Variants in DLGAP1 observed in about 807,000 individuals in gnomAD.
The protein encoded by DLGAP1 is disks large-associated protein 1.
DLGAP1 carries 11 observed loss-of-function variants against 90.8 expected under a neutral mutation model. The observed-to-expected ratio is 0.12, with a 90% CI of 0.08 to 0.20. DLGAP1 has a LOEUF of 0.20. Ranked by LOEUF, DLGAP1 falls within the 10% of genes least tolerant of loss-of-function variation. The pLI, the probability that DLGAP1 is intolerant of heterozygous loss-of-function variation, is 1.00. For missense variants in DLGAP1, 1,050 were observed against 1,333.8 expected (o/e 0.79, Z 3.31); for synonymous variants, 558 against 540.7 (o/e 1.03, Z -0.44).
intron 3 of DLGAP1, among the ~76,000 whole-genome samples, chr18:3,946,401 T>A (rs967564188): frequency 3.5e-4 from 54 of 152,314 alleles, no homozygotes; most frequent in African/African-American, 1.0e-3. Flanking sequence ...GTGTCAATGG[T>A]ATGGTTTTCA....
At chr18:3,572,069 GTTTTTTTT>G (rs67491547) in intron 8 of DLGAP1, among the ~76,000 whole-genome samples, 2 of 105,620 alleles carry the variant, frequency 1.9e-5, no homozygotes, top group African/African-American at 7.3e-5. Context: ...TTTCTTCTAG[GTTTTTTTT>G]TTTTTTTTTT....
intron 1 of DLGAP1, among the ~76,000 whole-genome samples, chr18:4,267,553 T>C (rs11081102): frequency 0.021 from 3,165 of 152,332 alleles, 41 homozygotes; most frequent in East Asian, 0.043. Flanking sequence ...AAAGGAAATA[T>C]TCCTGTCAGA....
chr18:3,793,691 C>G (rs953299273), intron 5 of DLGAP1, among the ~76,000 whole-genome samples: 21 of 152,122 alleles, frequency 1.4e-4, no homozygotes, highest in African/African-American at 4.8e-4. Flanking sequence ...GTGGCCACCC[C>G]TGCTCTCCTG....
chr18:4,019,564 A>C (rs1451069190), intron 2 of DLGAP1, among the ~76,000 whole-genome samples: 1 of 152,196 alleles, frequency 6.6e-6, no homozygotes, highest in Non-Finnish European at 1.5e-5. Context: ...TATTCTGTCC[A>C]TATAAGGCAA....
intron 6 of DLGAP1, among the ~76,000 whole-genome samples, chr18:3,741,280 A>T (rs1439233023): frequency 1.1e-5 from 1 of 95,128 alleles, no homozygotes; most frequent in African/African-American, 4.7e-5. Context: ...CCACATCACC[A>T]TCACCACCAC....
intron 4 of DLGAP1, among the ~76,000 whole-genome samples, chr18:3,819,037 C>T (rs1000156328): frequency 3.3e-5 from 5 of 151,546 alleles, no homozygotes; most frequent in African/African-American, 4.8e-5. Context: ...CACGGCCGGA[C>T]GCGGTGGCTC....
intron 9 of DLGAP1, among the ~76,000 whole-genome samples, chr18:3,553,220 A>C (rs1200586546): frequency 1.3e-5 from 2 of 152,190 alleles, no homozygotes; most frequent in African/African-American, 4.8e-5. Flanking sequence ...ATGAATTTTC[A>C]ATAGTAAAAA....
rs75507024 is a variant in DLGAP1 at position 4,087,100 on chromosome 18, T to C, written c.-159+64080A>G. ...ATACATATATGTATATATGTATATA[T>C]GTGCTATATATATATACACACACAC... On this transcript the variant is annotated intron_variant, in intron 2 of 12. Transcript: ENST00000315677. Among the ~76,000 whole-genome samples, 2 of 80,574 alleles carry C rather than the reference T, an allele frequency of 2.5e-5. 1 individual carries two copies. Among genetic ancestry groups the C allele is most frequent in the Non-Finnish European group, 6.0e-5 (2 of 33,208 alleles). The allele number at this position is 80,574 out of a possible 152,430, so 52.9% of individuals were successfully genotyped here.
At chr18:4,339,053 C>G (rs664209) in intron 1 of DLGAP1, among the ~76,000 whole-genome samples, 1 of 151,922 alleles carries the variant, frequency 6.6e-6, no homozygotes, top group Non-Finnish European at 1.5e-5. Context: ...AGAATATGTA[C>G]GCGGAAGGTT....
intron 1 of DLGAP1, among the ~76,000 whole-genome samples, chr18:4,216,717 A>T (rs2077965974): frequency 6.6e-6 from 1 of 152,114 alleles, no homozygotes; most frequent in Admixed American, 6.6e-5. Flanking sequence ...GAACTTTTAA[A>T]TTGGTAGACC....
At chr18:3,941,972 C>T (rs759691982) in intron 3 of DLGAP1, among the ~76,000 whole-genome samples, 13 of 152,278 alleles carry the variant, frequency 8.5e-5, no homozygotes, top group Middle Eastern at 3.4e-3. Context: ...ACCTCAGCCT[C>T]CCAAAGAATT....
intron 2 of DLGAP1, among the ~76,000 whole-genome samples, chr18:4,022,162 G>T (rs2074621088): frequency 6.6e-6 from 1 of 151,966 alleles, no homozygotes; most frequent in Non-Finnish European, 1.5e-5. Context: ...ACTTTTAAAT[G>T]TTCAGAAAAC....
chr18:4,113,077 C>CAT lies in DLGAP1; in HGVS notation c.-159+38102_-159+38103insAT, dbSNP rs1321512770. Among the ~76,000 whole-genome samples the CAT allele has an allele frequency of 4.5e-5, 5 of 111,438 alleles. No individual in the cohort carries two copies. The East Asian group carries it at 1.1e-3, about 25-fold the overall frequency. The allele number at this position is 111,438 out of a possible 152,430, so 73.1% of individuals were successfully genotyped here. ...AATAGTGTTGTGATGAACATATGAA[C>CAT]ACGTGTCTTTTTAGTAGAACAATTT... On this transcript the variant is annotated intron_variant, in intron 2 of 12. Transcript: ENST00000315677.
chr18:4,252,630 T>C (rs987886070), intron 1 of DLGAP1, among the ~76,000 whole-genome samples: 2 of 152,210 alleles, frequency 1.3e-5, no homozygotes, highest in African/African-American at 4.8e-5. Context: ...CCCTTTAAAC[T>C]AGTAGCTAAA....
At chr18:3,738,726 A>C (rs1237045030) in intron 6 of DLGAP1, among the ~76,000 whole-genome samples, 3 of 146,852 alleles carry the variant, frequency 2.0e-5, no homozygotes, top group South Asian at 2.2e-4. Context: ...CAAGGACTTC[A>C]TGTCTAAAAC....
intron 1 of DLGAP1, among the ~76,000 whole-genome samples, chr18:4,308,709 A>G (rs2080325380): frequency 6.6e-6 from 1 of 152,238 alleles, no homozygotes; most frequent in African/African-American, 2.4e-5. Flanking sequence ...AGACTCAAGT[A>G]GGAAAGGGGA....
chr18:4,403,219 T>C (rs182371531), intron 1 of DLGAP1, among the ~76,000 whole-genome samples: 1 of 152,300 alleles, frequency 6.6e-6, no homozygotes, highest in East Asian at 1.9e-4. Flanking sequence ...TTAATGTGGA[T>C]TGAGAGCATA....
At chr18:3,838,931 A>C (rs1228317282) in intron 4 of DLGAP1, among the ~76,000 whole-genome samples, 1 of 152,226 alleles carries the variant, frequency 6.6e-6, no homozygotes, top group Admixed American at 6.5e-5. Flanking sequence ...GTTAAAAAAA[A>C]ATCATGTCAT....
chr18:3,834,039 G>A (rs547774774), intron 4 of DLGAP1, among the ~76,000 whole-genome samples: 1 of 152,124 alleles, frequency 6.6e-6, no homozygotes, highest in East Asian at 1.9e-4. Flanking sequence ...GGGCGTGGTG[G>A]TTCACACCTG....
Sources: allele counts gnomAD v4.1 joint callset (sites outside exome capture counted in the v4.1 genomes callset), GRCh38; gene constraint gnomAD v4.1.1; transcripts MANE v1.5; gene names NCBI Gene and HGNC (gene_info 2026-07-23, HGNC 2026-07-21).